Variants in CREB5 observed in about 807,000 individuals in gnomAD.
CREB5 encodes the protein cyclic AMP-responsive element-binding protein 5.
In CREB5, 19 loss-of-function variants were observed where a neutral mutation model predicts 57.1. That is an observed-to-expected ratio of 0.33 (90% CI 0.23 to 0.49). The LOEUF (loss-of-function observed/expected upper bound fraction) is 0.49, where lower values mean the gene tolerates loss of function less well. CREB5 is among the 20% of genes least tolerant of loss of function. The pLI is 0.99. For missense variants in CREB5, 579 were observed against 671.6 expected (o/e 0.86, Z 1.52); for synonymous variants, 238 against 238.3 (o/e 1.00, Z 0.01).
chr7:28,739,911 T>G (rs1804237866), intron 7 of CREB5, among the ~76,000 whole-genome samples: 1 of 152,208 alleles, frequency 6.6e-6, no homozygotes, highest in Admixed American at 6.5e-5. Flanking sequence ...GCATATTCAT[T>G]AATGTCTTTC....
At chr7:28,752,046 G>A (rs1805008125) in intron 7 of CREB5, among the ~76,000 whole-genome samples, 1 of 152,110 alleles carries the variant, frequency 6.6e-6, no homozygotes, top group Admixed American at 6.6e-5. Context: ...ACCCTTTTTG[G>A]TCTGTCATGT....
intron 5 of CREB5, among the ~76,000 whole-genome samples, chr7:28,631,109 A>G (rs1190281671): frequency 6.6e-6 from 1 of 152,192 alleles, no homozygotes; most frequent in Admixed American, 6.5e-5. Context: ...AAACTTTTCA[A>G]TACCGACCCG....
At chr7:28,677,827 A>G (rs554526795) in intron 5 of CREB5, among the ~76,000 whole-genome samples, 1 of 152,178 alleles carries the variant, frequency 6.6e-6, no homozygotes, top group East Asian at 1.9e-4. Flanking sequence ...ACAGAGAGCT[A>G]TGATTGTGCC....
rs1805795809 is a variant in CREB5 at position 28,763,794 on chromosome 7, T to TATC, written c.702+39464_702+39465insCAT. 5.5e-5 allele frequency among the ~76,000 whole-genome samples: 4 copies of TATC among 72,586 alleles called. No homozygotes were observed. The South Asian group carries it at 1.9e-3, about 35-fold the overall frequency. The allele number at this position is 72,586 out of a possible 152,430, so 47.6% of individuals were successfully genotyped here. ...AAGCATGATGTAATCGCTGTGGGGATATTATTATTATTATTATTTTTTTTT... is the reference window on the plus strand; with the variant it reads ...AAGCATGATGTAATCGCTGTGGGGATATCATTATTATTATTATTATTTTTTTTT... On this transcript the variant is annotated intron_variant, in intron 7 of 10. Transcript: ENST00000357727.
chr7:28,480,346 C>T (rs905978062), intron 1 of CREB5, among the ~76,000 whole-genome samples: 4 of 152,136 alleles, frequency 2.6e-5, no homozygotes, highest in African/African-American at 9.7e-5. Flanking sequence ...AGAATAGATC[C>T]AGTTTTGCAC....
At chr7:28,462,069 C>T (rs1259477445) in intron 1 of CREB5, among the ~76,000 whole-genome samples, 1 of 152,124 alleles carries the variant, frequency 6.6e-6, no homozygotes, top group East Asian at 1.9e-4. Context: ...CAGTCACTCC[C>T]CATTATTTTC....
intron 1 of CREB5, among the ~76,000 whole-genome samples, chr7:28,451,888 C>T (rs536329857): frequency 1.3e-5 from 2 of 152,210 alleles, no homozygotes; most frequent in South Asian, 2.1e-4. Context: ...CATATGGTTT[C>T]CCAAGCAGAT....
At chr7:28,456,938 G>T (rs1790117804) in intron 1 of CREB5, among the ~76,000 whole-genome samples, 2 of 152,202 alleles carry the variant, frequency 1.3e-5, no homozygotes, top group African/African-American at 2.4e-5. Context: ...TATAAAGAAA[G>T]ATTTAGTTGG....
At position 28,820,605 on chromosome 7, in the gene CREB5, C is replaced by CTCTT. The variant is rs1433123297; in HGVS notation, c.*1328_*1331dup. ...CATGGATGAGGTGCAGGCTACTTCA[C>CTCTT]TCTTTTTTTTTCTTTTTTGAGACAG... On this transcript the variant is annotated 3_prime_UTR_variant, in exon 11 of 11. Coordinates refer to ENST00000357727, the MANE Select transcript of CREB5 (RefSeq NM_182898.4). The CTCTT allele has an allele frequency of 6.6e-6, 1 of 152,288 alleles. No homozygotes were observed. Among genetic ancestry groups the CTCTT allele is most frequent in the Non-Finnish European group, 1.5e-5 (1 of 67,996 alleles). 9.4% of individuals were successfully genotyped at this position (152,288 alleles called of 1,614,324 possible).
chr7:28,483,774 G>A (rs1219603750), intron 1 of CREB5, among the ~76,000 whole-genome samples: 1 of 152,146 alleles, frequency 6.6e-6, no homozygotes, highest in Non-Finnish European at 1.5e-5. Flanking sequence ...ATTTACTTGT[G>A]AGATTGAATA....
intron 1 of CREB5, among the ~76,000 whole-genome samples, chr7:28,307,858 T>C (rs903415675): frequency 6.6e-6 from 1 of 152,184 alleles, no homozygotes; most frequent in Non-Finnish European, 1.5e-5. Context: ...CTTTGAATGA[T>C]TGATGTGAAG....
chr7:28,767,948 CAAAGAT>C (rs1459709522), intron 7 of CREB5, among the ~76,000 whole-genome samples: 1 of 151,964 alleles, frequency 6.6e-6, no homozygotes, highest in Non-Finnish European at 1.5e-5. Context: ...TATGAAAAGA[CAAAGAT>C]AAAATTTAAA....
intron 5 of CREB5, among the ~76,000 whole-genome samples, chr7:28,632,289 C>A (rs1798234292): frequency 6.6e-6 from 1 of 152,192 alleles, no homozygotes; most frequent in Non-Finnish European, 1.5e-5. Context: ...TCTCACTTTT[C>A]CATTTCCTCT....
chr7:28,447,272 G>A (rs914421547), intron 1 of CREB5, among the ~76,000 whole-genome samples: 8 of 152,204 alleles, frequency 5.3e-5, no homozygotes, highest in Admixed American at 2.0e-4. Context: ...TTTTTCATAA[G>A]CTTTCTTTAA....
At chr7:28,697,835 T>C (rs1031271071) in intron 5 of CREB5, among the ~76,000 whole-genome samples, 4 of 152,210 alleles carry the variant, frequency 2.6e-5, no homozygotes, top group African/African-American at 7.2e-5. Context: ...TGGACACGTG[T>C]GGATGTTTAT....
chr7:28,786,081 A>G (rs933043355), intron 7 of CREB5, among the ~76,000 whole-genome samples: 3 of 151,016 alleles, frequency 2.0e-5, no homozygotes, highest in African/African-American at 5.0e-5. Context: ...GGCTGAAAGA[A>G]GATACAGCCA....
chr7:28,632,721 G>A (rs1583451211), intron 5 of CREB5, among the ~76,000 whole-genome samples: 1 of 152,154 alleles, frequency 6.6e-6, no homozygotes, highest in Admixed American at 6.5e-5. Flanking sequence ...CGCCAAGGGA[G>A]GATTTTCTGT....
intron 1 of CREB5, among the ~76,000 whole-genome samples, chr7:28,321,576 A>C (rs1259452141): frequency 1.3e-5 from 2 of 151,934 alleles, no homozygotes; most frequent in African/African-American, 4.8e-5. Flanking sequence ...TGTGCGCCCA[A>C]CTCCACCCTT....
At chr7:28,478,794 A>G (rs1012687253) in intron 1 of CREB5, among the ~76,000 whole-genome samples, 2 of 152,184 alleles carry the variant, frequency 1.3e-5, no homozygotes, top group Admixed American at 1.3e-4. Context: ...GCCAAACCAG[A>G]TAATTTACCC....
Sources: gnomAD v4.1 joint callset for allele counts (sites outside exome capture counted in the v4.1 genomes callset) on GRCh38, gnomAD v4.1.1 for gene constraint, MANE v1.5 for transcripts, NCBI Gene and HGNC (gene_info 2026-07-23, HGNC 2026-07-21) for gene names.